CFAP418: variants seen among roughly 807,000 people sequenced by gnomAD.
CFAP418 encodes cilia and flagella associated protein 418.
Under a neutral mutation model 24.7 loss-of-function variants are expected in CFAP418, and 27 were observed. The ratio of observed to expected loss-of-function variants is 1.09; its 90% CI spans 0.81 to 1.51. The LOEUF (loss-of-function observed/expected upper bound fraction) is 1.51, where lower values mean the gene tolerates loss of function less well. CFAP418 is among the 40% of genes most tolerant of loss of function. The probability of loss-of-function intolerance (pLI) is 0.00; values close to 1 mark genes in which losing one functional copy is unlikely to be tolerated. For missense variants in CFAP418, 257 were observed against 255.2 expected (o/e 1.01, Z -0.05); for synonymous variants, 74 against 87.3 (o/e 0.85, Z 0.85).
intron 2 of CFAP418, among the ~76,000 whole-genome samples, chr8:95,262,873 T>C (rs1811916207): frequency 6.6e-6 from 1 of 152,196 alleles, no homozygotes; most frequent in African/African-American, 2.4e-5. Context: ...AAAAGGTATC[T>C]GATGAAGCAC....
At chr8:95,268,572 C>T (rs1192651512) in intron 1 of CFAP418, among the ~76,000 whole-genome samples, 1 of 151,944 alleles carries the variant, frequency 6.6e-6, no homozygotes, top group Non-Finnish European at 1.5e-5. Context: ...TAACAGGGCA[C>T]CTCACAGGGA....
In CFAP418 at chr8:95,245,576, T is replaced by C. The variant is rs2132149897; in HGVS notation, c.*2041A>G. On this transcript the variant is annotated 3_prime_UTR_variant, in exon 6 of 6. Coordinates refer to ENST00000286688, the MANE Select transcript of CFAP418 (RefSeq NM_177965.4). ...CAACATGGTGAAACCCTGTCTCTAT[T>C]AAAAATACAAAAATTAGCTGGGCGT... 1 of 152,086 alleles carries C rather than the reference T, an allele frequency of 6.6e-6. No homozygotes were observed. Among genetic ancestry groups the C allele is most frequent in the African/African-American group, 2.4e-5 (1 of 41,486 alleles). 9.4% of individuals were successfully genotyped at this position (152,086 alleles called of 1,614,324 possible).
At chr8:95,264,030 T>C (rs1002143309) in intron 1 of CFAP418, among the ~76,000 whole-genome samples, 19 of 152,324 alleles carry the variant, frequency 1.2e-4, no homozygotes, top group African/African-American at 4.1e-4. Context: ...CTATATACAT[T>C]ATATTCAAGA....
At chr8:95,248,733 CAAAGA>C (rs965799006) in intron 5 of CFAP418, among the ~76,000 whole-genome samples, 4 of 151,458 alleles carry the variant, frequency 2.6e-5, no homozygotes, top group Admixed American at 1.3e-4. Flanking sequence ...CATTCCATGG[CAAAGA>C]AAAGTAGAAA....
intron 1 of CFAP418, 100 bp downstream of exon 1, chr8:95,268,935 G>A: frequency 7.6e-7 from 1 of 1,310,690 alleles, no homozygotes. Flanking sequence ...AGGGGCTGGA[G>A]GTCGCGGGCA....
Position 95,247,563 on chromosome 8 carries a change from A to C in CFAP418, c.*54T>G. On this transcript the variant is annotated 3_prime_UTR_variant, in exon 6 of 6. Coordinates refer to ENST00000286688, the MANE Select transcript of CFAP418 (RefSeq NM_177965.4). ...GGACTATTGTCTAAACATGATGATG[A>C]TTCATGGAGACCACTCTCATGGATG... is the stretch of plus-strand genomic sequence containing the variant. 6.2e-7 allele frequency: 1 copy of C among 1,601,356 alleles called. No homozygotes were observed. The highest frequency in any genetic ancestry group is 8.5e-7 in the Non-Finnish European group (1 of 1,169,928).
At chr8:95,256,534 G>C (rs576174695) in intron 4 of CFAP418, among the ~76,000 whole-genome samples, 1 of 152,188 alleles carries the variant, frequency 6.6e-6, no homozygotes, top group Non-Finnish European at 1.5e-5. Context: ...CCTTCTTAAG[G>C]CTTCAGAGCT....
rs75941319 is a variant in CFAP418, at chr8:95,257,755, G to A, written c.374+2085C>T. Among the ~76,000 whole-genome samples, 1,092 of 152,260 alleles carry A rather than the reference G, an allele frequency of 7.2e-3. 12 individuals carry two copies. The highest frequency in any genetic ancestry group is 0.025 in the African/African-American group (1,031 of 41,540). On this transcript the variant is annotated intron_variant, in intron 4 of 5. Transcript: ENST00000286688. ...AAAGTAGTGCATACAGTTATGTATA[G>A]TACATAATACTTGATAATGATAATA...
intron 2 of CFAP418, among the ~76,000 whole-genome samples, chr8:95,262,614 T>C (rs965394867): frequency 1.3e-5 from 2 of 152,222 alleles, no homozygotes; most frequent in Non-Finnish European, 2.9e-5. Flanking sequence ...AATACATAAA[T>C]TCTCATATAC....
chr8:95,249,656 G>GAA (rs58288207), intron 5 of CFAP418, among the ~76,000 whole-genome samples: 1 of 140,722 alleles, frequency 7.1e-6, no homozygotes, highest in African/African-American at 2.6e-5. Context: ...GATTGGCTCA[G>GAA]AAAAAAAAAA....
At chr8:95,262,802 C>T (rs879760242) in intron 2 of CFAP418, among the ~76,000 whole-genome samples, 31 of 152,002 alleles carry the variant, frequency 2.0e-4, no homozygotes, top group African/African-American at 5.3e-4. Flanking sequence ...CTAATGAAGG[C>T]GTAATCACTG....
At chr8:95,255,058 C>G (rs779171346) in intron 4 of CFAP418, among the ~76,000 whole-genome samples, 2 of 152,210 alleles carry the variant, frequency 1.3e-5, no homozygotes, top group Admixed American at 1.3e-4. Flanking sequence ...CTGGACCACT[C>G]TAACTACTGC....
rs572820631 is a variant in CFAP418, at chr8:95,268,295, T to C, written c.155+740A>G. 2.6e-5 allele frequency among the ~76,000 whole-genome samples: 4 copies of C among 151,980 alleles called. No individual in the cohort carries two copies. The East Asian group carries it at 7.8e-4, about 30-fold the overall frequency. On this transcript the variant is annotated intron_variant, in intron 1 of 5. Transcript: ENST00000286688. ...AGACTGTCTCTACAAAAAATACAAA[T>C]TAACCGGGCTCGTGCCTGTAATCCC...
chr8:95,252,632 C>T (rs1014310795), intron 4 of CFAP418, among the ~76,000 whole-genome samples: 1 of 152,146 alleles, frequency 6.6e-6, no homozygotes. Flanking sequence ...TCTTTAAATG[C>T]TCCCCTTCCT....
chr8:95,253,441 T>G (rs1811739688), intron 4 of CFAP418, among the ~76,000 whole-genome samples: 1 of 150,434 alleles, frequency 6.6e-6, no homozygotes, highest in Non-Finnish European at 1.5e-5. Context: ...AATTTTGTTT[T>G]TATTCTTTCA....
In CFAP418 at chr8:95,247,678, A is replaced by G. The variant is rs781147931; in HGVS notation, c.563T>C (p.Ile188Thr). Residue 188 changes from isoleucine to threonine, a missense_variant, in exon 6 of 6, where the codon ATT becomes ACT. Transcript: ENST00000286688. ...AYACQCSWRT[I>T]EEVTDLQTDH... ...TGTCTGAAGGTCAGTCACTTCTTCA[A>G]TAGTTCTCCAGCTACACTGGCAGGC... The G allele has an allele frequency of 6.8e-6, 11 of 1,614,082 alleles. No homozygotes were observed. Among genetic ancestry groups the G allele is most frequent in the East Asian group, 2.2e-5 (1 of 44,894 alleles).
At chr8:95,259,713 A>T (rs985343507) in intron 4 of CFAP418, 127 bp downstream of exon 4, 10 of 714,956 alleles carry the variant, frequency 1.4e-5, no homozygotes, top group Non-Finnish European at 2.1e-5. Context: ...GAATTCTTAG[A>T]TTAGCTAATA....
intron 2 of CFAP418, among the ~76,000 whole-genome samples, chr8:95,262,719 G>T (rs947850074): frequency 1.3e-5 from 2 of 152,118 alleles, no homozygotes; most frequent in African/African-American, 4.8e-5. Context: ...TTATGACCTA[G>T]GAATTCCTCT....
chr8:95,253,264 C>G (rs1191132876), intron 4 of CFAP418, among the ~76,000 whole-genome samples: 2 of 151,424 alleles, frequency 1.3e-5, no homozygotes, highest in East Asian at 1.9e-4. Flanking sequence ...GAGGGGAGAT[C>G]GCGCCACTGC....
Sources: gnomAD v4.1 joint callset for allele counts (sites outside exome capture counted in the v4.1 genomes callset) on GRCh38, gnomAD v4.1.1 for gene constraint, MANE v1.5 for transcripts, NCBI Gene and HGNC (gene_info 2026-07-23, HGNC 2026-07-21) for gene names.